The following FRYL variants were observed in gnomAD, a reference collection of about 807,000 sequenced individuals.
FRYL encodes FRY like transcription coactivator, also known as protein furry homolog-like.
In FRYL, 150 loss-of-function variants were observed where a neutral mutation model predicts 351.2. That is an observed-to-expected ratio of 0.43 (90% CI 0.37 to 0.49). The LOEUF is 0.49. Among genes scored for constraint, FRYL ranks in the 20% least tolerant of loss-of-function variants. FRYL has a pLI of 0.00. For missense variants in FRYL, 3,036 were observed against 3,619.3 expected (o/e 0.84, Z 4.13); for synonymous variants, 1,153 against 1,257.1 (o/e 0.92, Z 1.75).
chr4:48,559,588 C>T (rs1734950762), intron 33 of FRYL, among the ~76,000 whole-genome samples: 1 of 105,002 alleles, frequency 9.5e-6, no homozygotes, highest in Non-Finnish European at 1.8e-5. Context: ...GTCCCAGCTA[C>T]TGGGGAGGTT....
At chr4:48,764,448 T>C (rs1203193977) in intron 1 of FRYL, among the ~76,000 whole-genome samples, 2 of 151,806 alleles carry the variant, frequency 1.3e-5, no homozygotes, top group South Asian at 2.1e-4. Context: ...GGAGGATCAC[T>C]TGAGCCCAGG....
chr4:48,623,299 T>A, intron 4 of FRYL, 120 bp from the exon 5 acceptor site: 1 of 591,156 alleles, frequency 1.7e-6, no homozygotes. Context: ...TTTTCACTTG[T>A]TACTAGATTG....
intron 28 of FRYL, among the ~76,000 whole-genome samples, chr4:48,566,975 G>A (rs1360682715): frequency 6.6e-6 from 1 of 152,032 alleles, no homozygotes; most frequent in Admixed American, 6.5e-5. Context: ...CTAAAACAAG[G>A]CTATCCTAAA....
intron 3 of FRYL, among the ~76,000 whole-genome samples, chr4:48,655,471 T>TA (rs1178812966): frequency 2.0e-5 from 3 of 151,798 alleles, no homozygotes; most frequent in African/African-American, 7.2e-5. Context: ...ATCCCATTCT[T>TA]ATACATTAAC....
At chr4:48,713,552 A>C (rs1428515997) in intron 1 of FRYL, among the ~76,000 whole-genome samples, 1 of 152,328 alleles carries the variant, frequency 6.6e-6, no homozygotes, top group Admixed American at 6.5e-5. Context: ...AAAGGGATCA[A>C]TTCAACAAGA....
intron 1 of FRYL, among the ~76,000 whole-genome samples, chr4:48,716,772 G>A (rs1302164032): frequency 6.6e-6 from 1 of 151,480 alleles, no homozygotes; most frequent in African/African-American, 2.4e-5. Context: ...CCATTACTGG[G>A]TATATACCCA....
In FRYL at chr4:48,603,401, T is replaced by C; in HGVS notation, c.835-13A>G. The C allele has an allele frequency of 1.4e-6, 2 of 1,471,660 alleles. No homozygotes were observed. Among genetic ancestry groups the C allele is most frequent in the African/African-American group, 1.4e-5 (1 of 71,350 alleles). 91.2% of individuals were successfully genotyped at this position (1,471,660 alleles called of 1,614,324 possible). ...CATTTTTAACAGCCTAGTAAAAAGA[T>C]AATGCAAACAAAGAAAATGATACAG... On this transcript the variant is annotated splice_polypyrimidine_tract_variant and intron_variant, in intron 11 of 63. Transcript: ENST00000358350.
At chr4:48,702,455 C>CA (rs34675617) in intron 2 of FRYL, among the ~76,000 whole-genome samples, 323 of 29,448 alleles carry the variant, frequency 0.011, 88 homozygotes, top group Admixed American at 0.018. Flanking sequence ...GACTCTGTCT[C>CA]AAAAAAAAAA....
chr4:48,715,842 G>C (rs1039469040), intron 1 of FRYL, among the ~76,000 whole-genome samples: 5 of 152,200 alleles, frequency 3.3e-5, no homozygotes, highest in Non-Finnish European at 7.3e-5. Context: ...AAAGAACAAA[G>C]CTGGAGGCAT....
At position 48,590,820 on chromosome 4, in the gene FRYL, A is replaced by G; in HGVS notation, c.1346T>C (p.Ile449Thr). The part of the protein sequence containing the change: ...TFTINPERMN[I>T]GLRVFLVIAD... ...TATTACAAGGAAGACTCTGAGACCT[A>G]TGTTCATTCTCTTCAAAGGAAAAAA... Residue 449 changes from isoleucine to threonine, a missense_variant, in exon 17 of 64, where the codon ATA (isoleucine) becomes ACA (threonine). Around this residue, in one of 7 missense-constraint regions of FRYL, gnomAD observed 457 missense variants for 566.6 expected, o/e 0.81. Coordinates refer to ENST00000358350, the MANE Select transcript of FRYL (RefSeq NM_015030.2). 6.2e-7 allele frequency: 1 copy of G among 1,602,672 alleles called. No homozygotes were observed. The highest frequency in any genetic ancestry group is 8.5e-7 in the Non-Finnish European group (1 of 1,176,664).
intron 2 of FRYL, among the ~76,000 whole-genome samples, chr4:48,693,422 A>G (rs1765848359): frequency 6.6e-6 from 1 of 152,182 alleles, no homozygotes; most frequent in African/African-American, 2.4e-5. Flanking sequence ...GAGGGTGGGT[A>G]ACAATGGTTT....
At chr4:48,564,467 GT>G (rs1028796675) in intron 30 of FRYL, among the ~76,000 whole-genome samples, 6 of 152,122 alleles carry the variant, frequency 3.9e-5, no homozygotes, top group Non-Finnish European at 8.8e-5. Context: ...TAGAAAAACT[GT>G]TCTGAGGGGA....
intron 1 of FRYL, among the ~76,000 whole-genome samples, chr4:48,752,361 G>T (rs577775656): frequency 1.8e-3 from 115 of 64,274 alleles, no homozygotes; most frequent in African/African-American, 6.1e-3. Context: ...GAACCATCTT[G>T]ACTCCGGATC....
chr4:48,557,992 A>C (rs1055500564), intron 33 of FRYL, among the ~76,000 whole-genome samples: 1 of 152,204 alleles, frequency 6.6e-6, no homozygotes, highest in Non-Finnish European at 1.5e-5. Context: ...ACTTTCTGGG[A>C]AACAGTATGA....
Position 48,549,432 on chromosome 4 carries a change from C to T in FRYL, c.4784+41G>A, listed in dbSNP as rs1465399344. The T allele has an allele frequency of 5.1e-6, 8 of 1,561,656 alleles. No homozygotes were observed. The highest frequency in any genetic ancestry group is 6.1e-6 in the Non-Finnish European group (7 of 1,150,392). On this transcript the variant is annotated intron_variant, in intron 39 of 63. Coordinates refer to ENST00000358350, the MANE Select transcript of FRYL (RefSeq NM_015030.2). This position sits in a 1 kb window ranked among gnomAD's most constrained non-coding sequence, Gnocchi z 4.2. ...AAAGAAAGCCGACAGTGTTCAGCAG[C>T]AACTTGGTGCATATGTAAAAGGAAT...
At chr4:48,751,328 A>G (rs1773230190) in intron 1 of FRYL, among the ~76,000 whole-genome samples, 1 of 152,212 alleles carries the variant, frequency 6.6e-6, no homozygotes. Flanking sequence ...GGAATAAAAC[A>G]TGAATTAAGA....
Position 48,540,406 on chromosome 4 carries a change from C to G in FRYL, c.6242G>C (p.Ser2081Thr), listed in dbSNP as rs1179562273. Residue 2081 changes from serine to threonine, a missense_variant, in exon 46 of 64, where the codon AGT (serine) becomes ACT (threonine). Coordinates refer to ENST00000358350, the MANE Select transcript of FRYL (RefSeq NM_015030.2). ...STQEMTVHLL[S>T]KLISVSKHTL... is the part of the protein sequence containing the mutation. ...ATGTTTGGAGACAGAAATGAGTTTA[C>G]TGAGGAGGTGCACGGTCATTTCTTG... 2 of 1,613,876 alleles carry G rather than the reference C, an allele frequency of 1.2e-6. No individual in the cohort carries two copies. Among genetic ancestry groups the G allele is most frequent in the Non-Finnish European group, 1.7e-6 (2 of 1,179,856 alleles).
At chr4:48,702,542 G>C (rs1486910722) in intron 2 of FRYL, among the ~76,000 whole-genome samples, 1 of 145,496 alleles carries the variant, frequency 6.9e-6, no homozygotes, top group Non-Finnish European at 1.5e-5. Context: ...TTGGGAGGCC[G>C]AGGCAGGCGG....
chr4:48,721,916 A>G, intron 1 of FRYL, among the ~76,000 whole-genome samples: 1 of 152,180 alleles, frequency 6.6e-6, no homozygotes, highest in East Asian at 1.9e-4. Flanking sequence ...CTGGGATTAC[A>G]GGTGTGAGCC....
Sources: gnomAD v4.1 joint callset for allele counts (sites outside exome capture counted in the v4.1 genomes callset) on GRCh38, gnomAD v4.1.1 for gene constraint, gnomAD v4.1.1 regional missense constraint, Gnocchi (gnomAD v3.1) non-coding constraint, MANE v1.5 for transcripts, NCBI Gene and HGNC (gene_info 2026-07-23, HGNC 2026-07-21) for gene names.